NALF1: variants seen among roughly 807,000 people sequenced by gnomAD.
NALF1 encodes the protein NALCN channel auxiliary factor 1.
A neutral mutation model predicts 48.4 loss-of-function variants in NALF1; 3 were observed. That is an observed-to-expected ratio of 0.06 (90% CI 0.03 to 0.16). NALF1 has a LOEUF of 0.16. Ranked by LOEUF, NALF1 falls within the 10% of genes least tolerant of loss-of-function variation. The pLI is 1.00. For missense variants in NALF1, 526 were observed against 571.5 expected, an observed-to-expected ratio of 0.92 and a Z score of 0.81; for synonymous variants, 262 against 245.7, an observed-to-expected ratio of 1.07 and a Z score of -0.62.
chr13:107,576,381 G>C (rs930753645), intron 1 of NALF1, among the ~76,000 whole-genome samples: 1 of 152,104 alleles, frequency 6.6e-6, no homozygotes, highest in African/African-American at 2.4e-5. Flanking sequence ...TTGCTCATTT[G>C]TTTTCTATTC....
chr13:107,405,530 T>G (rs1293882112), intron 1 of NALF1, among the ~76,000 whole-genome samples: 3 of 152,024 alleles, frequency 2.0e-5, no homozygotes, highest in East Asian at 3.9e-4. Flanking sequence ...AAAATTCCCT[T>G]TTCTTTTGAG....
Position 107,469,733 on chromosome 13 carries a change from C to CTTTTTTTTTT in NALF1, c.916-258988_916-258979dup, listed in dbSNP as rs61241553. Among the ~76,000 whole-genome samples the CTTTTTTTTTT allele has an allele frequency of 3.6e-3, 291 of 79,970 alleles. 53 individuals carry two copies. The highest frequency in any genetic ancestry group is 4.4e-3 in the Non-Finnish European group (196 of 44,810). The allele number at this position is 79,970 out of a possible 152,430, so 52.5% of individuals were successfully genotyped here. ...TAAATGCGATGAGTCAACTGTGTATCTTTTTTTTTTTTTTTTTTTTTTTTT... is the reference window on the plus strand; with the variant it reads ...TAAATGCGATGAGTCAACTGTGTATCTTTTTTTTTTTTTTTTTTTTTTTTTTTTTTTTTTT... On this transcript the variant is annotated intron_variant, in intron 1 of 2. Coordinates refer to ENST00000375915, the MANE Select transcript of NALF1 (RefSeq NM_001080396.3).
chr13:107,275,931 A>G (rs749502432), intron 1 of NALF1, among the ~76,000 whole-genome samples: 2 of 152,084 alleles, frequency 1.3e-5, no homozygotes, highest in Non-Finnish European at 2.9e-5. Flanking sequence ...GGCTTCTCAT[A>G]GGACGTTGAG....
intron 1 of NALF1, among the ~76,000 whole-genome samples, chr13:107,396,149 C>T (rs1883708226): frequency 6.6e-6 from 1 of 152,070 alleles, no homozygotes. Flanking sequence ...CCTCCCGTGG[C>T]AGAAAGAGAC....
rs1445519679 is a variant in NALF1, at chr13:107,169,042, TACTGTAA to T, written c.*1448_*1454del. 2.0e-5 allele frequency: 3 copies of T among 152,626 alleles called. No homozygotes were observed. The highest frequency in any genetic ancestry group is 4.8e-5 in the African/African-American group (2 of 41,452). 9.5% of individuals were successfully genotyped at this position (152,626 alleles called of 1,614,324 possible). ...TATTAACTCTTCCTTCCACTGATTC[TACTGTAA>T]ACTCATAAAAGCCTTTTATAGAAAG... is the stretch of plus-strand genomic sequence containing the variant. On this transcript the variant is annotated 3_prime_UTR_variant, in exon 3 of 3. Transcript: ENST00000375915.
chr13:107,637,230 T>C (rs963069725), intron 1 of NALF1, among the ~76,000 whole-genome samples: 2 of 145,804 alleles, frequency 1.4e-5, no homozygotes, highest in Admixed American at 1.5e-4. Context: ...CATAACTGTA[T>C]ATTGTATTTG....
intron 1 of NALF1, among the ~76,000 whole-genome samples, chr13:107,230,727 T>G (rs555515809): frequency 1.3e-5 from 2 of 151,968 alleles, no homozygotes; most frequent in East Asian, 1.9e-4. Context: ...CAGGAAGAGA[T>G]AACACGAACG....
At chr13:107,781,537 T>C (rs1464283945) in intron 1 of NALF1, among the ~76,000 whole-genome samples, 2 of 152,048 alleles carry the variant, frequency 1.3e-5, no homozygotes, top group African/African-American at 4.8e-5. Context: ...ATCCTTCCCT[T>C]ACTAATAACA....
chr13:107,465,174 G>A (rs1186457464), intron 1 of NALF1, among the ~76,000 whole-genome samples: 4 of 151,574 alleles, frequency 2.6e-5, no homozygotes, highest in Non-Finnish European at 4.4e-5. Context: ...ACTTTGGTAC[G>A]GTCACAGAAG....
chr13:107,635,028 C>T (rs1464600353), intron 1 of NALF1, among the ~76,000 whole-genome samples: 1 of 152,096 alleles, frequency 6.6e-6, no homozygotes, highest in Non-Finnish European at 1.5e-5. Flanking sequence ...ATCTACATCA[C>T]AAGCATTAGT....
chr13:107,289,293 T>C (rs902423646), intron 1 of NALF1, among the ~76,000 whole-genome samples: 1 of 152,204 alleles, frequency 6.6e-6, no homozygotes, highest in Non-Finnish European at 1.5e-5. Context: ...TACACATGCC[T>C]TGTCTATTTA....
chr13:107,385,107 A>G (rs1354187737), intron 1 of NALF1, among the ~76,000 whole-genome samples: 1 of 152,258 alleles, frequency 6.6e-6, no homozygotes, highest in Non-Finnish European at 1.5e-5. Context: ...ATTCAATGTT[A>G]GCTATTATTC....
At chr13:107,674,800 G>A (rs1881073107) in intron 1 of NALF1, among the ~76,000 whole-genome samples, 1 of 152,298 alleles carries the variant, frequency 6.6e-6, no homozygotes, top group Non-Finnish European at 1.5e-5. Context: ...TCAGAGACCA[G>A]GGAAAAGTCC....
intron 1 of NALF1, among the ~76,000 whole-genome samples, chr13:107,320,598 C>T (rs1882235975): frequency 6.6e-6 from 1 of 151,760 alleles, no homozygotes; most frequent in South Asian, 2.1e-4. Context: ...TCCTATAATC[C>T]CTCCATTATT....
intron 1 of NALF1, among the ~76,000 whole-genome samples, chr13:107,347,671 C>A (rs528576343): frequency 6.6e-6 from 1 of 151,988 alleles, no homozygotes; most frequent in Non-Finnish European, 1.5e-5. Context: ...TAATGCATTA[C>A]GCAAAAGAAA....
At chr13:107,539,609 G>C (rs545580996) in intron 1 of NALF1, among the ~76,000 whole-genome samples, 1 of 152,142 alleles carries the variant, frequency 6.6e-6, no homozygotes, top group Admixed American at 6.6e-5. Flanking sequence ...GATGTTTTAT[G>C]AGATGACTAT....
At chr13:107,273,426 C>G (rs924131673) in intron 1 of NALF1, among the ~76,000 whole-genome samples, 3 of 152,176 alleles carry the variant, frequency 2.0e-5, no homozygotes, top group African/African-American at 7.2e-5. Flanking sequence ...TCATTTGTTA[C>G]AGGTGCCTCA....
At chr13:107,199,669 G>A (rs1278530245) in intron 2 of NALF1, among the ~76,000 whole-genome samples, 1 of 152,138 alleles carries the variant, frequency 6.6e-6, no homozygotes, top group Non-Finnish European at 1.5e-5. Flanking sequence ...AGCATTCCAG[G>A]TAGCGGAGGT....
At chr13:107,526,500 T>C (rs944178410) in intron 1 of NALF1, among the ~76,000 whole-genome samples, 9 of 152,214 alleles carry the variant, frequency 5.9e-5, no homozygotes, top group African/African-American at 2.2e-4. Context: ...ATCTCATCCA[T>C]TATTTTCCAA....
Sources: allele counts gnomAD v4.1 joint callset (sites outside exome capture counted in the v4.1 genomes callset), GRCh38; gene constraint gnomAD v4.1.1; transcripts MANE v1.5; gene names NCBI Gene and HGNC (gene_info 2026-07-23, HGNC 2026-07-21).